TRIM54: variants seen among roughly 807,000 people sequenced by gnomAD.
The protein encoded by TRIM54 is tripartite motif containing 54.
A neutral mutation model predicts 42.0 loss-of-function variants in TRIM54; 40 were observed. The observed-to-expected ratio is 0.95, with a 90% CI of 0.74 to 1.24. TRIM54 has a LOEUF of 1.24. Ranked by LOEUF, TRIM54 falls within the 50% of genes most tolerant of loss-of-function variation. The pLI, the probability that TRIM54 is intolerant of heterozygous loss-of-function variation, is 0.00. For synonymous variants in TRIM54, 199 were observed against 194.9 expected (o/e 1.02, Z -0.17); for missense variants, 485 against 480.3 (o/e 1.01, Z -0.09).
At chr2:27,305,481 C>G (rs535158888) in intron 4 of TRIM54, 103 bp from the exon 5 acceptor site, 1 of 934,682 alleles carries the variant, frequency 1.1e-6, no homozygotes, top group South Asian at 1.7e-5. Context: ...AGTGTCACTA[C>G]GGATGGGTCA....
intron 2 of TRIM54, among the ~76,000 whole-genome samples, chr2:27,298,943 C>T (rs1378037343): frequency 6.6e-6 from 1 of 152,216 alleles, no homozygotes; most frequent in African/African-American, 2.4e-5. Flanking sequence ...CACTCCTACC[C>T]TCTCCTCCTG....
intron 5 of TRIM54, 105 bp from the exon 6 acceptor site, chr2:27,305,975 G>T: frequency 1.3e-6 from 2 of 1,498,550 alleles, no homozygotes; most frequent in Middle Eastern, 2.1e-4. Context: ...AACGAATTGG[G>T]ACGTGCCTTC....
intron 3 of TRIM54, among the ~76,000 whole-genome samples, chr2:27,301,522 T>C (rs1010557461): frequency 1.3e-5 from 2 of 152,300 alleles, no homozygotes; most frequent in African/African-American, 4.8e-5. Context: ...TTAGAACATA[T>C]ACGGTCACTT....
rs750385648 is a variant in TRIM54 at position 27,299,397 on chromosome 2, C to CCT, written c.495_496insTC (p.Ile166SerfsTer27). Reference sequence around the variant, plus strand: ...GACTGTGAGGTGGCCCCACTGCCCACCATTTACAAACGCCAGAAGGTATCA... The same window carrying CCT: ...GACTGTGAGGTGGCCCCACTGCCCACCTCATTTACAAACGCCAGAAGGTATCA... On this transcript the variant is annotated frameshift_variant, in exon 3 of 9. Coordinates refer to ENST00000380075, the MANE Select transcript of TRIM54 (RefSeq NM_187841.3). LOFTEE classifies it high-confidence loss of function. The CCT allele has an allele frequency of 1.2e-6, 2 of 1,613,968 alleles. No homozygotes were observed. The highest frequency in any genetic ancestry group is 4.5e-5 in the East Asian group (2 of 44,882).
At chr2:27,288,846 A>G (rs1028387905) in intron 1 of TRIM54, among the ~76,000 whole-genome samples, 1 of 152,236 alleles carries the variant, frequency 6.6e-6, no homozygotes, top group Middle Eastern at 3.2e-3. Flanking sequence ...TACACATCAC[A>G]TCATTGGCAC....
intron 5 of TRIM54, 86 bp downstream of exon 5, chr2:27,305,903 CTT>C (rs1393021757): frequency 7.3e-7 from 1 of 1,372,392 alleles, no homozygotes; most frequent in Non-Finnish European, 1.0e-6. Context: ...AGTCTTGTCT[CTT>C]GCACCTGCTT....
chr2:27,283,123 G>A (rs954171597), intron 1 of TRIM54, among the ~76,000 whole-genome samples: 2 of 152,128 alleles, frequency 1.3e-5, no homozygotes, highest in African/African-American at 2.4e-5. Flanking sequence ...GTGCATAGAC[G>A]GCAGCTGGAG....
At chr2:27,294,113 GT>G (rs999670017) in intron 1 of TRIM54, among the ~76,000 whole-genome samples, 8 of 151,904 alleles carry the variant, frequency 5.3e-5, no homozygotes, top group African/African-American at 1.7e-4. Context: ...AGCTCTAAGG[GT>G]TTTTTTGTTT....
chr2:27,299,709 T>TATCTATC (rs1678978116), intron 3 of TRIM54: 2 of 620,260 alleles, frequency 3.2e-6, no homozygotes, highest in Non-Finnish European at 5.7e-6. Context: ...TCTATCTATC[T>TATCTATC]ATCTATCATA....
chr2:27,282,668 A>C lies in TRIM54; in HGVS notation c.-64A>C. On this transcript the variant is annotated 5_prime_UTR_variant, in exon 1 of 9. Transcript: ENST00000380075. ...AATCCAGAGGCCATCTAAGCGAGGA[A>C]GGGTCTACAGGCAGTGAGTGAAGGC... 6.6e-7 allele frequency: 1 copy of C among 1,510,910 alleles called. No individual in the cohort carries two copies. The highest frequency in any genetic ancestry group is 8.9e-7 in the Non-Finnish European group (1 of 1,127,666). The allele number at this position is 1,510,910 out of a possible 1,614,324, so 93.6% of individuals were successfully genotyped here. A position where few individuals can be genotyped will look rare whatever the true frequency, so the allele number is the denominator to read the frequency against.
At position 27,307,368 on chromosome 2, in the gene TRIM54, G is replaced by GT; in HGVS notation, c.*484dup. On this transcript the variant is annotated 3_prime_UTR_variant, in exon 9 of 9. Transcript: ENST00000380075. This position sits in a 1 kb window ranked among gnomAD's most constrained non-coding sequence, Gnocchi z 6.9. ...CCTTCCCACGGGTTCCCACGCTGCTGTGACTGCCCTGCCTCTACGACAAAA... is the reference window on the plus strand; with the variant it reads ...CCTTCCCACGGGTTCCCACGCTGCTGTTGACTGCCCTGCCTCTACGACAAAA... The GT allele has an allele frequency of 7.5e-7, 1 of 1,336,436 alleles. No homozygotes were observed. Among genetic ancestry groups the GT allele is most frequent in the Non-Finnish European group, 1.0e-6 (1 of 1,003,502 alleles). 82.8% of individuals were successfully genotyped at this position (1,336,436 alleles called of 1,614,324 possible).
rs1292413417 is a variant in TRIM54 at position 27,282,789 on chromosome 2, C to G, written c.58C>G (p.Leu20Val). The G allele has an allele frequency of 6.2e-7, 1 of 1,614,010 alleles. No homozygotes were observed. Among genetic ancestry groups the G allele is most frequent in the Non-Finnish European group, 8.5e-7 (1 of 1,179,938 alleles). ...AGGGGATGCACACAGCATGGACAACCTGGAGAAGCAGCTCATCTGCCCCAT... is the reference window on the plus strand; with the variant it reads ...AGGGGATGCACACAGCATGGACAACGTGGAGAAGCAGCTCATCTGCCCCAT... Reference protein sequence around the residue: ...LLGDAHSMDNLEKQLICPICL... With the variant: ...LLGDAHSMDNVEKQLICPICL... Residue 20 changes from leucine to valine, a missense_variant, in exon 1 of 9, where the codon CTG (leucine) becomes GTG (valine). Physicochemically the swap from Leu to Val is conservative, Grantham distance 32. Coordinates refer to ENST00000380075, the MANE Select transcript of TRIM54 (RefSeq NM_187841.3).
rs1678417789 is a variant in TRIM54 at position 27,282,771 on chromosome 2, G to T, written c.40G>T (p.Ala14Ser). ...TVGFKPLLGD[A>S]HSMDNLEKQL... ...GGGTTTCAAGCCGCTGCTAGGGGAT[G>T]CACACAGCATGGACAACCTGGAGAA... The change falls in exon 1 of 9, where the codon GCA (alanine) becomes TCA (serine). Residue 14 changes from alanine to serine, a missense_variant. By Grantham distance (99) the Ala-to-Ser change is moderately conservative. Transcript: ENST00000380075. 1 of 1,613,328 alleles carries T rather than the reference G, an allele frequency of 6.2e-7. No individual in the cohort carries two copies. Among genetic ancestry groups the T allele is most frequent in the Admixed American group, 1.7e-5 (1 of 59,946 alleles).
Position 27,306,228 on chromosome 2 carries a change from G to A in TRIM54, c.882G>A (p.Ser294=). 6.2e-6 allele frequency: 10 copies of A among 1,614,090 alleles called. No homozygotes were observed. Among genetic ancestry groups the A allele is most frequent in the Non-Finnish European group, 8.5e-6 (10 of 1,180,008 alleles). The change falls in exon 7 of 9, where the codon TCG becomes TCA. Residue 294 remains serine (S), a synonymous_variant. Transcript: ENST00000380075. The surrounding 1 kb of genome is among the most constrained non-coding windows in gnomAD (Gnocchi z 6.1). ...KELINKVGAM[S]KVELAGRPEP... ...GCCACTGCAGGGTCGGGGCCATGTC[G>A]AAGGTGGAGCTGGCAGGGCGGCCGG...
At chr2:27,291,198 T>C (rs1572520489) in intron 1 of TRIM54, among the ~76,000 whole-genome samples, 1 of 151,940 alleles carries the variant, frequency 6.6e-6, no homozygotes, top group Admixed American at 6.6e-5. Flanking sequence ...TACTAAAATA[T>C]AAAGAAATTA....
rs1678511697 is a variant in TRIM54, at chr2:27,284,773, G to A, written c.168+1874G>A. Among the ~76,000 whole-genome samples, 3 of 152,162 alleles carry A rather than the reference G, an allele frequency of 2.0e-5. No homozygotes were observed. The South Asian group carries it at 6.2e-4, about 32-fold the overall frequency. ...AACTTGAAATGTGTGAAAGCAAAGA[G>A]AAGTTTTGAAAGCTAAGGTGATGTG... On this transcript the variant is annotated intron_variant, in intron 1 of 8. Coordinates refer to ENST00000380075, the MANE Select transcript of TRIM54 (RefSeq NM_187841.3).
chr2:27,298,505 GCCT>G lies in TRIM54; in HGVS notation c.169-56_169-54del, dbSNP rs1678932023. On this transcript the variant is annotated intron_variant, in intron 1 of 8. Transcript: ENST00000380075. ...CCTAGCCCCCAAGCCCTTTCCCCCTGCCTCCTCCGAGTCCCTTCATGCCTCCCC... is the reference window on the plus strand; with the variant it reads ...CCTAGCCCCCAAGCCCTTTCCCCCTGCCTCCGAGTCCCTTCATGCCTCCCC... 6 of 1,400,256 alleles carry G rather than the reference GCCT, an allele frequency of 4.3e-6. No homozygotes were observed. The East Asian group carries it at 9.3e-5, about 22-fold the overall frequency. 86.7% of individuals were successfully genotyped at this position (1,400,256 alleles called of 1,614,324 possible). A position where few individuals can be genotyped will look rare whatever the true frequency, so the allele number is the denominator to read the frequency against.
In TRIM54 at chr2:27,307,311, T is replaced by G. The variant is rs1332116714; in HGVS notation, c.*426T>G. 2.5e-6 allele frequency: 2 copies of G among 785,860 alleles called. No homozygotes were observed. Among genetic ancestry groups the G allele is most frequent in the Non-Finnish European group, 3.9e-6 (2 of 512,540 alleles). 48.7% of individuals were successfully genotyped at this position (785,860 alleles called of 1,614,324 possible). A position where few individuals can be genotyped will look rare whatever the true frequency, so the allele number is the denominator to read the frequency against. ...GCTGTCTCGGAGCCCCCCACAGCAT[T>G]TTGTTCCCCTCCCGCTGGCCCGGGG... On this transcript the variant is annotated 3_prime_UTR_variant, in exon 9 of 9. Coordinates refer to ENST00000380075, the MANE Select transcript of TRIM54 (RefSeq NM_187841.3). This position sits in a 1 kb window ranked among gnomAD's most constrained non-coding sequence, Gnocchi z 6.9.
At chr2:27,288,479 A>G (rs1392753747) in intron 1 of TRIM54, among the ~76,000 whole-genome samples, 1 of 152,228 alleles carries the variant, frequency 6.6e-6, no homozygotes, top group Non-Finnish European at 1.5e-5. Flanking sequence ...CATGGCATAT[A>G]TTCCACACAA....
Sources: gnomAD v4.1 joint callset for allele counts (sites outside exome capture counted in the v4.1 genomes callset) on GRCh38, gnomAD v4.1.1 for gene constraint, Gnocchi (gnomAD v3.1) non-coding constraint, MANE v1.5 for transcripts, NCBI Gene and HGNC (gene_info 2026-07-23, HGNC 2026-07-21) for gene names.